DGCR2: variants seen among roughly 807,000 people sequenced by gnomAD.
The protein encoded by DGCR2 is integral membrane protein DGCR2/IDD.
Under a neutral mutation model 51.6 loss-of-function variants are expected in DGCR2, and 24 were observed. The observed-to-expected ratio is 0.47, with a 90% CI of 0.34 to 0.65. The LOEUF (loss-of-function observed/expected upper bound fraction) is 0.65. Ranked by LOEUF, DGCR2 falls within the 30% of genes least tolerant of loss-of-function variation. The probability of loss-of-function intolerance (pLI) is 0.01; values close to 1 mark genes in which losing one functional copy is unlikely to be tolerated. For missense variants in DGCR2, 765 were observed against 772.1 expected (o/e 0.99, Z 0.11); for synonymous variants, 340 against 315.4 (o/e 1.08, Z -0.82).
chr22:19,041,118 C>T lies in DGCR2; in HGVS notation c.1336G>A (p.Asp446Asn), dbSNP rs1166449622. ...GAGGCCTCGTAGGGCGGCGGAGGGT[C>T]GTCGGGCTGGCCGATGTCCGGGTAC... ...YKYPDIGQPDDPPPPYEASIH... is the reference protein window; with the variant it reads ...YKYPDIGQPDNPPPPYEASIH... The change falls in exon 9 of 10, where the codon GAC becomes AAC. Residue 446 changes from aspartate to asparagine, a missense_variant. Coordinates refer to ENST00000263196, the MANE Select transcript of DGCR2 (RefSeq NM_005137.3). 3.7e-6 allele frequency: 6 copies of T among 1,613,642 alleles called. No homozygotes were observed. The highest frequency in any genetic ancestry group is 3.3e-5 in the Admixed American group (2 of 59,992).
chr22:19,048,713 A>G, intron 6 of DGCR2, 70 bp from the exon 7 acceptor site: 2 of 1,527,800 alleles, frequency 1.3e-6, no homozygotes, highest in Non-Finnish European at 1.8e-6. Context: ...TGTGGGCCAC[A>G]CTGCCAAAAA....
At position 19,057,539 on chromosome 22, in the gene DGCR2, G is replaced by A. The variant is rs1388731707; in HGVS notation, c.626-377C>T. 2.6e-5 allele frequency among the ~76,000 whole-genome samples: 4 copies of A among 152,184 alleles called. No individual in the cohort carries two copies. The East Asian group carries it at 5.8e-4, about 22-fold the overall frequency. On this transcript the variant is annotated intron_variant, in intron 5 of 9. Coordinates refer to ENST00000263196, the MANE Select transcript of DGCR2 (RefSeq NM_005137.3). This position sits in a 1 kb window ranked among gnomAD's most constrained non-coding sequence, Gnocchi z 5.1. Reference sequence around the variant, plus strand: ...ACACTGGATTAAAATGCAAACAGGGGAATGGGCAAGGGAAACAGGCAGGGA... The same window carrying A: ...ACACTGGATTAAAATGCAAACAGGGAAATGGGCAAGGGAAACAGGCAGGGA...
At chr22:19,084,289 G>A (rs1273452056) in intron 2 of DGCR2, among the ~76,000 whole-genome samples, 2 of 151,536 alleles carry the variant, frequency 1.3e-5, no homozygotes, top group Admixed American at 6.6e-5. Flanking sequence ...GTCTCTGCCC[G>A]GCCGCCCATC....
chr22:19,088,999 A>C (rs572233572), intron 2 of DGCR2, among the ~76,000 whole-genome samples: 1 of 152,250 alleles, frequency 6.6e-6, no homozygotes, highest in Non-Finnish European at 1.5e-5. Context: ...ATTCAGGATC[A>C]AGAGGCACCC....
intron 5 of DGCR2, among the ~76,000 whole-genome samples, chr22:19,062,646 G>A (rs2145963088): frequency 6.6e-6 from 1 of 152,170 alleles, no homozygotes; most frequent in South Asian, 2.1e-4. Context: ...CCAGGGCAAT[G>A]GGACAGGAAG....
chr22:19,102,444 T>A (rs2083212499), intron 1 of DGCR2, among the ~76,000 whole-genome samples: 1 of 152,236 alleles, frequency 6.6e-6, no homozygotes, highest in East Asian at 1.9e-4. Context: ...GGCTCACGCC[T>A]GTAATCCCAG....
chr22:19,109,512 G>C (rs2083292838), intron 1 of DGCR2, among the ~76,000 whole-genome samples: 1 of 152,140 alleles, frequency 6.6e-6, no homozygotes, highest in African/African-American at 2.4e-5. Flanking sequence ...GGTAAAATAA[G>C]CCAAACATAA....
chr22:19,068,028 G>A, intron 3 of DGCR2, 72 bp downstream of exon 3: 1 of 1,478,132 alleles, frequency 6.8e-7, no homozygotes, highest in Non-Finnish European at 8.9e-7. Flanking sequence ...CAGCACAGTA[G>A]TGCTGGAAAG....
intron 7 of DGCR2, chr22:19,046,765 A>G (rs1435054778): frequency 1.3e-5 from 6 of 446,488 alleles, no homozygotes; most frequent in African/African-American, 4.0e-5. Context: ...CTGGCCGTGC[A>G]GGAGAGAGGG....
chr22:19,036,494 G>A lies in DGCR2; in HGVS notation c.*2371C>T, dbSNP rs2082370090. Reference sequence around the variant, plus strand: ...GAGAAACCGTGGCAAGCTGGTCCTAGAGGAGGAGGACCCCTGGAGCACAAG... The same window carrying A: ...GAGAAACCGTGGCAAGCTGGTCCTAAAGGAGGAGGACCCCTGGAGCACAAG... On this transcript the variant is annotated 3_prime_UTR_variant, in exon 10 of 10. Transcript: ENST00000263196. The A allele has an allele frequency of 6.6e-6, 1 of 152,536 alleles. No individual in the cohort carries two copies. Among genetic ancestry groups the A allele is most frequent in the Non-Finnish European group, 1.5e-5 (1 of 68,092 alleles). The allele number at this position is 152,536 out of a possible 1,614,324, so 9.4% of individuals were successfully genotyped here. A position where few individuals can be genotyped will look rare whatever the true frequency, so the allele number is the denominator to read the frequency against.
At chr22:19,052,355 G>A (rs887890328) in intron 6 of DGCR2, among the ~76,000 whole-genome samples, 18 of 151,880 alleles carry the variant, frequency 1.2e-4, no homozygotes, top group Non-Finnish European at 2.4e-4. Context: ...GGCGGAAGCT[G>A]CAGTGAGCCA....
intron 1 of DGCR2, among the ~76,000 whole-genome samples, chr22:19,113,574 T>C (rs1569091130): frequency 6.6e-6 from 1 of 152,030 alleles, no homozygotes; most frequent in Admixed American, 6.6e-5. Flanking sequence ...TGTGGGAAAA[T>C]GCCCCATTCC....
At chr22:19,075,364 G>A (rs539507858) in intron 2 of DGCR2, among the ~76,000 whole-genome samples, 35 of 152,066 alleles carry the variant, frequency 2.3e-4, no homozygotes, top group East Asian at 1.5e-3. Context: ...GGACAATGGC[G>A]TGAACCCGGG....
intron 2 of DGCR2, among the ~76,000 whole-genome samples, chr22:19,077,545 A>G (rs1337207048): frequency 6.6e-6 from 1 of 152,184 alleles, no homozygotes; most frequent in Middle Eastern, 3.2e-3. Flanking sequence ...ATTGGTCTAT[A>G]TGTCTGTCTT....
At chr22:19,084,603 G>A (rs2082987713) in intron 2 of DGCR2, among the ~76,000 whole-genome samples, 1 of 148,386 alleles carries the variant, frequency 6.7e-6, no homozygotes, top group African/African-American at 2.5e-5. Context: ...CCTCCGCCCG[G>A]CAGCCGCCCC....
chr22:19,047,237 A>G (rs1457321889), intron 7 of DGCR2: 1 of 152,292 alleles, frequency 6.6e-6, no homozygotes, highest in Non-Finnish European at 1.5e-5. Context: ...CTGATGGTAC[A>G]TGCCACAGTG....
chr22:19,064,434 G>A (rs556006115), intron 4 of DGCR2, among the ~76,000 whole-genome samples: 6 of 152,212 alleles, frequency 3.9e-5, no homozygotes, highest in Non-Finnish European at 5.9e-5. Flanking sequence ...GTCTTGAAGC[G>A]AAGGCCCCCT....
At chr22:19,114,151 GGAA>G (rs1003791345) in intron 1 of DGCR2, among the ~76,000 whole-genome samples, 2 of 113,072 alleles carry the variant, frequency 1.8e-5, no homozygotes, top group Admixed American at 1.7e-4. Flanking sequence ...TGTTACCAAA[GGAA>G]AAAAAAAAAA....
At chr22:19,046,751 C>T (rs1422893853) in intron 7 of DGCR2, 4 of 446,062 alleles carry the variant, frequency 9.0e-6, no homozygotes, top group African/African-American at 2.0e-5. Flanking sequence ...CCAGCTAAGT[C>T]GCTCTGGCCG....
Sources: allele counts gnomAD v4.1 joint callset (sites outside exome capture counted in the v4.1 genomes callset), GRCh38; gene constraint gnomAD v4.1.1; non-coding constraint Gnocchi (gnomAD v3.1); transcripts MANE v1.5; gene names NCBI Gene and HGNC (gene_info 2026-07-23, HGNC 2026-07-21).